CD99: variants seen among roughly 807,000 people sequenced by gnomAD.
CD99 encodes the protein CD99 molecule (Xg blood group).
A neutral mutation model predicts 28.4 loss-of-function variants in CD99; 19 were observed. The observed-to-expected ratio is 0.67, with a 90% confidence interval of 0.47 to 0.98. The LOEUF is 0.98. Among genes scored for constraint, CD99 ranks in the 50% least tolerant of loss-of-function variants. The pLI, the probability that CD99 is intolerant of heterozygous loss-of-function variation, is 0.00. For missense variants in CD99, 283 were observed against 248.8 expected (o/e 1.14, Z -0.92); for synonymous variants, 103 against 92.1 (o/e 1.12, Z -0.67).
intron 3 of CD99, chrX:2,719,202 C>CT (rs1302669719): frequency 6.2e-6 from 1 of 161,580 alleles, no homozygotes; most frequent in African/African-American, 2.4e-5. Flanking sequence ...TTTAGACACC[C>CT]TCTAGCCTAA....
In CD99 at chrX:2,701,373, C is replaced by T. The variant is rs187321067; in HGVS notation, c.67+9946C>T. On this transcript the variant is annotated intron_variant, in intron 1 of 9. Coordinates refer to ENST00000381192, the MANE Select transcript of CD99 (RefSeq NM_002414.5). ...CTATTGGTGCTATTTGCTGTGGTCC[C>T]TGTTTTTTGTTCTCTGCTTTGGAGG... 9.2e-5 allele frequency among the ~76,000 whole-genome samples: 14 copies of T among 152,330 alleles called. No individual in the cohort carries two copies. The South Asian group carries it at 2.5e-3, about 27-fold the overall frequency.
chrX:2,717,470 G>A (rs2048784795), intron 2 of CD99, 135 bp from the exon 3 acceptor site: 1 of 714,812 alleles, frequency 1.4e-6, no homozygotes, highest in Admixed American at 2.2e-5. Context: ...GCTCGGTGTG[G>A]GCAGGTGAGA....
Position 2,714,528 on chromosome X carries a change from C to T in CD99, c.100+74C>T. 3.1e-6 allele frequency: 4 copies of T among 1,276,912 alleles called. No individual in the cohort carries two copies. The South Asian group carries it at 5.1e-5, about 16-fold the overall frequency. 79.1% of individuals were successfully genotyped at this position (1,276,912 alleles called of 1,614,324 possible). The stretch of plus-strand genomic sequence containing the variant: ...CATAGTATATACAGGCATATCCCAG[C>T]CATTTCCAGCTAGGTTCTAGACCAC... On this transcript the variant is annotated intron_variant, in intron 2 of 9. Coordinates refer to ENST00000381192, the MANE Select transcript of CD99 (RefSeq NM_002414.5).
intron 1 of CD99, among the ~76,000 whole-genome samples, chrX:2,695,727 G>A (rs180733448): frequency 6.7e-6 from 1 of 149,858 alleles, no homozygotes; most frequent in African/African-American, 2.5e-5. Context: ...TGTGTCTCCC[G>A]GGCTCAGGCA....
At chrX:2,725,050 A>G (rs67042191) in intron 7 of CD99, among the ~76,000 whole-genome samples, 39,491 of 150,568 alleles carry the variant, frequency 0.26, 6,669 homozygotes, top group Non-Finnish European at 0.36. Context: ...CAACAGAGCA[A>G]GACTCTGTCT....
intron 9 of CD99, 144 bp from the exon 10 acceptor site, chrX:2,740,635 G>A: frequency 3.0e-6 from 2 of 669,596 alleles, no homozygotes; most frequent in East Asian, 2.5e-5. Context: ...TTGAGATTTA[G>A]GGTTTTGCTT....
chrX:2,732,506 C>T lies in CD99; in HGVS notation c.476-5694C>T, dbSNP rs182636140. Among the ~76,000 whole-genome samples the T allele has an allele frequency of 9.9e-3, 1,490 of 150,512 alleles. 22 individuals are homozygous for T. Among genetic ancestry groups the T allele is most frequent in the African/African-American group, 0.034 (1,399 of 40,984 alleles). ...CTCCTCCTTTCTTTCCCCCTCCCTC[C>T]TTCTTTTCTCTCTTCCTTCCCTGCT... On this transcript the variant is annotated intron_variant, in intron 8 of 9. Coordinates refer to ENST00000381192, the MANE Select transcript of CD99 (RefSeq NM_002414.5).
At chrX:2,722,197 G>T (rs2124105906) in intron 5 of CD99, among the ~76,000 whole-genome samples, 1 of 150,392 alleles carries the variant, frequency 6.6e-6, no homozygotes, top group East Asian at 1.9e-4. Context: ...TGTATGCTTT[G>T]CCTTTTATTC....
chrX:2,715,173 A>G (rs2048630626), intron 2 of CD99: 1 of 151,420 alleles, frequency 6.6e-6, no homozygotes, highest in East Asian at 1.9e-4. Context: ...GGTGAAGGGC[A>G]TGGGAAAAGG....
chrX:2,713,296 GAC>G (rs1569436190), intron 1 of CD99, among the ~76,000 whole-genome samples: 1 of 139,112 alleles, frequency 7.2e-6, no homozygotes. Context: ...AACATGCACT[GAC>G]ACATATGCAC....
At chrX:2,719,597 C>G (rs758340886) in intron 3 of CD99, 64 bp from the exon 4 acceptor site, 2 of 1,360,078 alleles carry the variant, frequency 1.5e-6, no homozygotes, top group Non-Finnish European at 2.1e-6. Context: ...GATCTGTTCA[C>G]GAGGTCATTC....
intron 9 of CD99, among the ~76,000 whole-genome samples, chrX:2,739,828 C>T (rs2050114939): frequency 6.7e-6 from 1 of 149,538 alleles, no homozygotes; most frequent in Non-Finnish European, 1.5e-5. Flanking sequence ...GTAGTCCCAG[C>T]ACTTTGGGAG....
chrX:2,707,684 G>A (rs2048188999), intron 1 of CD99, among the ~76,000 whole-genome samples: 1 of 152,204 alleles, frequency 6.6e-6, no homozygotes, highest in Admixed American at 6.5e-5. Flanking sequence ...GGCAGTTGGG[G>A]GTTCTGCTGA....
intron 1 of CD99, among the ~76,000 whole-genome samples, chrX:2,710,492 GTACTT>G (rs71819494): frequency 0.1 from 15,728 of 149,940 alleles, 1,480 homozygotes; most frequent in African/African-American, 0.24. Flanking sequence ...AATAATATCT[GTACTT>G]TACTTTCACG....
intron 8 of CD99, chrX:2,737,863 C>T: frequency 2.4e-6 from 1 of 413,992 alleles, no homozygotes; most frequent in Non-Finnish European, 4.5e-6. Flanking sequence ...GATGCACGTA[C>T]TTTTTTTTTT....
intron 8 of CD99, among the ~76,000 whole-genome samples, chrX:2,735,251 G>A (rs1286281193): frequency 2.0e-5 from 3 of 152,112 alleles, no homozygotes; most frequent in Non-Finnish European, 2.9e-5. Flanking sequence ...CAAAGCATAG[G>A]TACCCATTAA....
At chrX:2,720,814 A>G (rs1431511457) in intron 5 of CD99, among the ~76,000 whole-genome samples, 3 of 151,794 alleles carry the variant, frequency 2.0e-5, no homozygotes, top group Admixed American at 6.6e-5. Flanking sequence ...TAGTAGAGAC[A>G]GGGTTTTGCC....
chrX:2,725,452 G>T (rs1443991238), intron 7 of CD99, among the ~76,000 whole-genome samples: 1 of 152,146 alleles, frequency 6.6e-6, no homozygotes, highest in Non-Finnish European at 1.5e-5. Context: ...TAAAATGTCT[G>T]CATTGAAACC....
At chrX:2,724,541 G>A (rs1183425365) in intron 7 of CD99, among the ~76,000 whole-genome samples, 1 of 152,152 alleles carries the variant, frequency 6.6e-6, no homozygotes, top group African/African-American at 2.4e-5. Context: ...GGCTGAGGCG[G>A]GAGGATTGCT....
Sources: allele counts gnomAD v4.1 joint callset (sites outside exome capture counted in the v4.1 genomes callset), GRCh38; gene constraint gnomAD v4.1.1; transcripts MANE v1.5; gene names NCBI Gene and HGNC (gene_info 2026-07-23, HGNC 2026-07-21).